The following RAB44 variants were observed in gnomAD, a reference collection of about 807,000 sequenced individuals.
RAB44 encodes the protein ras-related protein Rab-44.
In RAB44, 67 loss-of-function variants were observed where a neutral mutation model predicts 93.3. The ratio of observed to expected loss-of-function variants is 0.72; its 90% confidence interval spans 0.59 to 0.88. The LOEUF (loss-of-function observed/expected upper bound fraction) is 0.88. RAB44 is among the 40% of genes least tolerant of loss of function. RAB44 has a pLI of 0.00. For synonymous variants in RAB44, 427 were observed against 520.3 expected (o/e 0.82, Z 2.44); for missense variants, 1,064 against 1,261.7 (o/e 0.84, Z 2.37).
At chr6:36,723,571 C>T (rs1166590514) in intron 9 of RAB44, among the ~76,000 whole-genome samples, 1 of 152,036 alleles carries the variant, frequency 6.6e-6, no homozygotes, top group Non-Finnish European at 1.5e-5. Flanking sequence ...CGCAGTGGCT[C>T]ACACCTGTAA....
At chr6:36,698,871 C>T (rs901380925) in intron 1 of RAB44, among the ~76,000 whole-genome samples, 11 of 152,004 alleles carry the variant, frequency 7.2e-5, no homozygotes, top group East Asian at 1.9e-4. Context: ...GGTGTGTGTG[C>T]GTGCACGTTT....
At position 36,721,758 on chromosome 6, in the gene RAB44, C is replaced by T; in HGVS notation, c.1624C>T (p.Gln542Ter). The T allele has an allele frequency of 1.6e-6, 2 of 1,234,518 alleles. No homozygotes were observed. Among genetic ancestry groups the T allele is most frequent in the South Asian group, 8.2e-5 (2 of 24,420 alleles). 76.5% of individuals were successfully genotyped at this position (1,234,518 alleles called of 1,614,324 possible). Reference protein sequence around the residue: ...PGSWAPPSGAQPGAGAGPQEP... With the variant: ...PGSWAPPSGA ...GTCTTGGGCTCCTCCCAGCGGGGCT[C>T]AGCCTGGGGCTGGAGCAGGACCCCA... The change falls in exon 9 of 14, where the codon CAG (glutamine) becomes TAG (stop). Residue 542 changes from glutamine to a stop codon, truncating the protein, a stop_gained. Transcript: ENST00000612677. LOFTEE classifies it high-confidence loss of function.
At chr6:36,718,378 TG>T in intron 6 of RAB44, 114 bp from the exon 7 acceptor site, 1 of 501,940 alleles carries the variant, frequency 2.0e-6, no homozygotes, top group East Asian at 3.5e-5. Flanking sequence ...CCCTCCCTGC[TG>T]GGGCATCCTG....
At chr6:36,714,009 C>A in intron 3 of RAB44, 70 bp downstream of exon 3, 2 of 1,019,328 alleles carry the variant, frequency 2.0e-6, no homozygotes, top group Admixed American at 2.1e-5. Flanking sequence ...TGGGGCTAGG[C>A]TGGGTCGTTA....
rs1455220582 is a variant in RAB44, at chr6:36,715,536, C to T, written c.377C>T (p.Pro126Leu). 6.5e-6 allele frequency: 10 copies of T among 1,536,046 alleles called. No homozygotes were observed. Among genetic ancestry groups the T allele is most frequent in the Non-Finnish European group, 7.0e-6 (8 of 1,146,920 alleles). The change falls in exon 4 of 14, where the codon CCC becomes CTC. Residue 126 changes from proline to leucine, a missense_variant. Transcript: ENST00000612677. ...AGGCTCCGCAGAAGGAAGCCACTGC[C>T]CTCTAAGCGGGTATCTGCTACCACC... The part of the protein sequence containing the change: ...PHRLRRRKPL[P>L]SKRVSATTSF...
At chr6:36,724,045 T>G (rs1306264937) in intron 9 of RAB44, among the ~76,000 whole-genome samples, 1 of 151,950 alleles carries the variant, frequency 6.6e-6, no homozygotes, top group Non-Finnish European at 1.5e-5. Context: ...TGGGAGCTAG[T>G]TAGAAATGCA....
At position 36,715,557 on chromosome 6, in the gene RAB44, C is replaced by T. The variant is rs1319258334; in HGVS notation, c.398C>T (p.Thr133Ile). ...CTGCCCTCTAAGCGGGTATCTGCTACCACCAGCTTCCCAGCTCTGGAGGAG... is the reference window on the plus strand; with the variant it reads ...CTGCCCTCTAAGCGGGTATCTGCTATCACCAGCTTCCCAGCTCTGGAGGAG... ...KPLPSKRVSATTSFPALEEAD... is the reference protein window; with the variant it reads ...KPLPSKRVSAITSFPALEEAD... Residue 133 changes from threonine (T) to isoleucine (I), a missense_variant, in exon 4 of 14, where the codon ACC becomes ATC. Thr to Ile is a moderately conservative substitution (Grantham distance 89). Coordinates refer to ENST00000612677, the MANE Select transcript of RAB44 (RefSeq NM_001257357.2). 2.6e-6 allele frequency: 4 copies of T among 1,536,156 alleles called. No individual in the cohort carries two copies. The highest frequency in any genetic ancestry group is 1.2e-5 in the South Asian group (1 of 84,060).
intron 10 of RAB44, among the ~76,000 whole-genome samples, chr6:36,726,465 G>A (rs1352217273): frequency 2.6e-5 from 4 of 152,038 alleles, no homozygotes; most frequent in Non-Finnish European, 5.9e-5. Flanking sequence ...GGCTGGTCTC[G>A]AACTCCTGAC....
intron 2 of RAB44, among the ~76,000 whole-genome samples, chr6:36,704,915 T>G (rs1582610601): frequency 6.6e-6 from 1 of 151,482 alleles, no homozygotes; most frequent in Non-Finnish European, 1.5e-5. Context: ...AGGTCAGGAG[T>G]TCGAGACCAG....
chr6:36,725,801 G>C, intron 9 of RAB44, 61 bp from the exon 10 acceptor site: 1 of 1,179,564 alleles, frequency 8.5e-7, no homozygotes, highest in Admixed American at 2.0e-5. Flanking sequence ...ACTGGGGTAG[G>C]CCTTGGCTAG....
chr6:36,716,137 C>G (rs1186711014), intron 4 of RAB44, among the ~76,000 whole-genome samples: 1 of 152,218 alleles, frequency 6.6e-6, no homozygotes, highest in East Asian at 1.9e-4. Context: ...TCCCATCCAT[C>G]TCAGGCTCTA....
intron 8 of RAB44, 138 bp downstream of exon 8, chr6:36,720,688 G>A (rs1763052351): frequency 1.5e-6 from 1 of 680,156 alleles, no homozygotes. Context: ...CCTCTGCCAA[G>A]CTGGAACTAT....
At chr6:36,725,525 C>T (rs186560036) in intron 9 of RAB44, among the ~76,000 whole-genome samples, 15 of 152,234 alleles carry the variant, frequency 9.9e-5, no homozygotes, top group East Asian at 5.8e-4. Flanking sequence ...CCTGCTGTCT[C>T]GTTAAGAGAG....
chr6:36,730,429 G>A (rs951896984), intron 12 of RAB44, among the ~76,000 whole-genome samples: 29 of 152,200 alleles, frequency 1.9e-4, no homozygotes, highest in Admixed American at 5.2e-4. Context: ...CCACTCCGAA[G>A]GCTGTGAAAT....
chr6:36,713,591 G>A (rs1762839078), intron 2 of RAB44, among the ~76,000 whole-genome samples: 2 of 152,182 alleles, frequency 1.3e-5, no homozygotes, highest in African/African-American at 2.4e-5. Flanking sequence ...GGACACGTAC[G>A]TTTTGATTTT....
intron 9 of RAB44, among the ~76,000 whole-genome samples, chr6:36,724,485 A>G (rs1763183278): frequency 6.6e-6 from 1 of 152,166 alleles, no homozygotes; most frequent in Non-Finnish European, 1.5e-5. Flanking sequence ...CACCTAAGCT[A>G]CTGTTTACTG....
chr6:36,702,239 C>T (rs1762525261), intron 1 of RAB44, among the ~76,000 whole-genome samples: 1 of 150,850 alleles, frequency 6.6e-6, no homozygotes, highest in South Asian at 2.1e-4. Flanking sequence ...CAGCTCACCA[C>T]TGCGGTTTTA....
intron 1 of RAB44, among the ~76,000 whole-genome samples, chr6:36,701,736 C>T (rs571444326): frequency 2.7e-4 from 41 of 152,134 alleles, no homozygotes; most frequent in Admixed American, 2.6e-4. Flanking sequence ...GTGAGGACCC[C>T]TAGGGGAGAA....
At chr6:36,728,507 C>T (rs1247137503) in intron 11 of RAB44, among the ~76,000 whole-genome samples, 193 bp from the exon 12 acceptor site, 2 of 151,592 alleles carry the variant, frequency 1.3e-5, no homozygotes, top group Admixed American at 1.3e-4. Context: ...TTAAGGTTGG[C>T]CTTGGAAAAT....
Sources: gnomAD v4.1 joint callset for allele counts (sites outside exome capture counted in the v4.1 genomes callset) on GRCh38, gnomAD v4.1.1 for gene constraint, MANE v1.5 for transcripts, NCBI Gene and HGNC (gene_info 2026-07-23, HGNC 2026-07-21) for gene names.